SLC16A7: variants seen among roughly 807,000 people sequenced by gnomAD.
SLC16A7 encodes the protein solute carrier family 16 member 7.
Under a neutral mutation model 34.9 loss-of-function variants are expected in SLC16A7, and 33 were observed. The ratio of observed to expected loss-of-function variants is 0.94; its 90% confidence interval spans 0.72 to 1.26. The LOEUF (loss-of-function observed/expected upper bound fraction) is 1.26. Among genes scored for constraint, SLC16A7 ranks in the 50% most tolerant of loss-of-function variants. The pLI is 0.00. For synonymous variants in SLC16A7, 201 were observed against 206.6 expected (o/e 0.97, Z 0.23); for missense variants, 573 against 578.1 (o/e 0.99, Z 0.09).
chr12:59,723,479 G>A (rs368309598), intron 3 of SLC16A7, among the ~76,000 whole-genome samples: 30 of 152,032 alleles, frequency 2.0e-4, no homozygotes, highest in East Asian at 1.9e-3. Context: ...TTTTAAAGAC[G>A]GAGATGTGAA....
chr12:59,616,738 T>G (rs540303731), intron 1 of SLC16A7, among the ~76,000 whole-genome samples: 11 of 152,266 alleles, frequency 7.2e-5, no homozygotes, highest in African/African-American at 2.6e-4. Context: ...TCATGGAAAT[T>G]AAAGGAATTT....
intron 3 of SLC16A7, chr12:59,768,046 A>G (rs1036773355): frequency 2.2e-5 from 9 of 402,870 alleles, no homozygotes; most frequent in Admixed American, 1.9e-4. Flanking sequence ...TACATATGTA[A>G]CAAACCTGCA....
rs957237610 is a variant in SLC16A7, at chr12:59,781,376, G to A, written c.*1697G>A. On this transcript the variant is annotated 3_prime_UTR_variant, in exon 6 of 6. Coordinates refer to ENST00000547379, the MANE Select transcript of SLC16A7 (RefSeq NM_001270623.2). ...TAGCCATTTTTTTTATTGTAATAAA[G>A]GCAGGTGCTATTTTTTTCTGGTGAG... 2.4e-4 allele frequency: 36 copies of A among 152,424 alleles called. No individual in the cohort carries two copies. 9.4% of individuals were successfully genotyped at this position (152,424 alleles called of 1,614,324 possible). A position where few individuals can be genotyped will look rare whatever the true frequency, so the allele number is the denominator to read the frequency against.
intron 3 of SLC16A7, among the ~76,000 whole-genome samples, chr12:59,745,261 C>T (rs550109101): frequency 1.3e-5 from 2 of 152,320 alleles, no homozygotes; most frequent in Admixed American, 1.3e-4. Flanking sequence ...AGTCTATTCT[C>T]GCATTTTATT....
At chr12:59,612,647 C>T (rs532651153) in intron 1 of SLC16A7, among the ~76,000 whole-genome samples, 1 of 152,322 alleles carries the variant, frequency 6.6e-6, no homozygotes, top group East Asian at 1.9e-4. Flanking sequence ...AACTTTTATG[C>T]TGTGCTTCCT....
intron 1 of SLC16A7, among the ~76,000 whole-genome samples, chr12:59,611,502 C>A (rs1351038134): frequency 1.3e-5 from 2 of 152,300 alleles, no homozygotes; most frequent in African/African-American, 4.8e-5. Flanking sequence ...GGGACACAGA[C>A]AAACCATATC....
At chr12:59,724,037 T>C (rs1617129) in intron 3 of SLC16A7, among the ~76,000 whole-genome samples, 6,826 of 152,076 alleles carry the variant, frequency 0.045, 489 homozygotes, top group African/African-American at 0.16. Context: ...GGCCTACCGA[T>C]TGATATATGT....
At chr12:59,630,940 G>T (rs561784573) in intron 1 of SLC16A7, among the ~76,000 whole-genome samples, 112 of 151,964 alleles carry the variant, frequency 7.4e-4, no homozygotes, top group Admixed American at 2.6e-3. Context: ...TGAAAAATTT[G>T]CTGCATATGT....
intron 3 of SLC16A7, among the ~76,000 whole-genome samples, chr12:59,743,014 C>A (rs898195085): frequency 6.6e-6 from 1 of 152,136 alleles, no homozygotes; most frequent in African/African-American, 2.4e-5. Context: ...ATTATTCTGA[C>A]AAAGAAGAAA....
intron 2 of SLC16A7, among the ~76,000 whole-genome samples, chr12:59,695,616 C>G (rs1403268426): frequency 6.6e-6 from 1 of 152,078 alleles, no homozygotes; most frequent in African/African-American, 2.4e-5. Flanking sequence ...TTCATCCTCT[C>G]ATAGAAACGT....
chr12:59,654,671 A>G (rs1868442802), intron 1 of SLC16A7, among the ~76,000 whole-genome samples: 1 of 150,134 alleles, frequency 6.7e-6, no homozygotes, highest in Admixed American at 6.7e-5. Context: ...ATATTACTTT[A>G]TAAACACACA....
intron 3 of SLC16A7, among the ~76,000 whole-genome samples, chr12:59,762,745 C>T (rs1881151460): frequency 6.6e-6 from 1 of 151,394 alleles, no homozygotes; most frequent in Non-Finnish European, 1.5e-5. Flanking sequence ...GAGTTTGAGG[C>T]TGCAGTGTAC....
intron 1 of SLC16A7, among the ~76,000 whole-genome samples, chr12:59,623,547 A>G (rs1450918860): frequency 6.6e-6 from 1 of 151,648 alleles, no homozygotes; most frequent in Non-Finnish European, 1.5e-5. Flanking sequence ...GATACCATAT[A>G]TGTTGTCTTT....
At chr12:59,672,200 A>ACATATATACGTATGTGTATATATG (rs1869913074) in intron 2 of SLC16A7, among the ~76,000 whole-genome samples, 2 of 31,488 alleles carry the variant, frequency 6.4e-5, no homozygotes, top group Non-Finnish European at 1.6e-4. Flanking sequence ...ACGTATATAT[A>ACATATATACGTATGTGTATATATG]CATATATACG....
chr12:59,668,255 G>T (rs962632253), intron 2 of SLC16A7, among the ~76,000 whole-genome samples: 2 of 152,136 alleles, frequency 1.3e-5, no homozygotes, highest in Non-Finnish European at 2.9e-5. Context: ...TCCACCAACA[G>T]CTTGCACTGT....
intron 1 of SLC16A7, among the ~76,000 whole-genome samples, chr12:59,597,817 A>G (rs374927481): frequency 2.4e-4 from 37 of 152,354 alleles, no homozygotes; most frequent in African/African-American, 8.9e-4. Context: ...ACAAACTCAG[A>G]AACTATTTTT....
chr12:59,757,817 A>G (rs982773286), intron 3 of SLC16A7, among the ~76,000 whole-genome samples: 1 of 152,084 alleles, frequency 6.6e-6, no homozygotes, highest in African/African-American at 2.4e-5. Context: ...CACTCCATTA[A>G]TAGTAAATAT....
chr12:59,756,558 T>C (rs543860841), intron 3 of SLC16A7, among the ~76,000 whole-genome samples: 2 of 151,916 alleles, frequency 1.3e-5, no homozygotes, highest in African/African-American at 4.8e-5. Flanking sequence ...CACAATGAGA[T>C]ACCATCTCAC....
At chr12:59,739,636 T>A (rs1162738507) in intron 3 of SLC16A7, among the ~76,000 whole-genome samples, 10 of 150,904 alleles carry the variant, frequency 6.6e-5, no homozygotes, top group African/African-American at 2.4e-4. Context: ...TCCACAATGG[T>A]TGAACTAGTT....
Sources: allele counts gnomAD v4.1 joint callset (sites outside exome capture counted in the v4.1 genomes callset), GRCh38; gene constraint gnomAD v4.1.1; transcripts MANE v1.5; gene names NCBI Gene and HGNC (gene_info 2026-07-23, HGNC 2026-07-21).